The following SLC2A12 variants were observed in gnomAD, a reference collection of about 807,000 sequenced individuals.
The protein encoded by SLC2A12 is solute carrier family 2, facilitated glucose transporter member 12.
In SLC2A12, 23 loss-of-function variants were observed where a neutral mutation model predicts 41.8. The ratio of observed to expected loss-of-function variants is 0.55; its 90% CI spans 0.40 to 0.78. SLC2A12 has a LOEUF of 0.78. SLC2A12 is among the 30% of genes least tolerant of loss of function. The probability of loss-of-function intolerance (pLI) is 0.00; values close to 1 mark genes in which losing one functional copy is unlikely to be tolerated. For missense variants in SLC2A12, 654 were observed against 745.6 expected, an observed-to-expected ratio of 0.88 and a Z score of 1.43; for synonymous variants, 295 against 285.9, an observed-to-expected ratio of 1.03 and a Z score of -0.32.
chr6:134,042,695 T>A (rs1451794277), intron 1 of SLC2A12, among the ~76,000 whole-genome samples: 3 of 152,072 alleles, frequency 2.0e-5, no homozygotes, highest in African/African-American at 7.2e-5. Flanking sequence ...CTGGGTTAGG[T>A]GGCTCACACC....
At chr6:134,017,750 AC>A (rs1483517896) in intron 2 of SLC2A12, among the ~76,000 whole-genome samples, 1 of 151,960 alleles carries the variant, frequency 6.6e-6, no homozygotes, top group African/African-American at 2.4e-5. Context: ...GCTACTCGGG[AC>A]GCTGAGGCAG....
intron 1 of SLC2A12, among the ~76,000 whole-genome samples, chr6:134,043,326 G>A (rs1400475169): frequency 3.3e-5 from 5 of 152,122 alleles, no homozygotes; most frequent in Non-Finnish European, 7.3e-5. Flanking sequence ...GTTTGGATGG[G>A]AGGCTGGTGG....
chr6:134,041,676 T>C (rs1296192925), intron 1 of SLC2A12, among the ~76,000 whole-genome samples: 1 of 152,168 alleles, frequency 6.6e-6, no homozygotes, highest in East Asian at 1.9e-4. Flanking sequence ...ACAGCGGCAG[T>C]CTACGGGAAT....
intron 4 of SLC2A12, among the ~76,000 whole-genome samples, chr6:134,001,429 C>T (rs907111330): frequency 2.6e-5 from 4 of 151,798 alleles, no homozygotes; most frequent in Non-Finnish European, 4.4e-5. Context: ...TTTCTTTTTC[C>T]GAAAAGAAAT....
intron 4 of SLC2A12, among the ~76,000 whole-genome samples, chr6:133,994,706 C>T (rs552661643): frequency 1.7e-4 from 26 of 152,168 alleles, no homozygotes; most frequent in African/African-American, 2.4e-4. Flanking sequence ...GGCGACAGAG[C>T]GAGACTCCAT....
chr6:133,993,311 T>C (rs1776647482), intron 4 of SLC2A12, among the ~76,000 whole-genome samples: 2 of 152,178 alleles, frequency 1.3e-5, no homozygotes, highest in Admixed American at 6.5e-5. Context: ...TACTAATGTG[T>C]CTATTTGATG....
At chr6:134,007,111 C>T (rs923796752) in intron 2 of SLC2A12, among the ~76,000 whole-genome samples, 177 bp from the exon 3 acceptor site, 2 of 152,340 alleles carry the variant, frequency 1.3e-5, no homozygotes, top group East Asian at 3.9e-4. Flanking sequence ...TCCTCACCTC[C>T]AGCCAAGGAA....
intron 2 of SLC2A12, among the ~76,000 whole-genome samples, chr6:134,017,771 G>A (rs1300193988): frequency 1.3e-5 from 2 of 151,766 alleles, no homozygotes; most frequent in African/African-American, 2.4e-5. Flanking sequence ...GGAGAATGGC[G>A]TGAACCCGGA....
chr6:134,048,797 A>G (rs1773626625), intron 1 of SLC2A12, among the ~76,000 whole-genome samples: 1 of 152,206 alleles, frequency 6.6e-6, no homozygotes, highest in South Asian at 2.1e-4. Flanking sequence ...GGTCTGCCCA[A>G]GGTAACTGGC....
intron 1 of SLC2A12, among the ~76,000 whole-genome samples, chr6:134,040,068 T>TTG (rs1554209007): frequency 1.3e-5 from 2 of 150,358 alleles, no homozygotes; most frequent in African/African-American, 2.4e-5. Flanking sequence ...GTTTTTTTTT[T>TTG]TTTGTTTTTT....
intron 1 of SLC2A12, among the ~76,000 whole-genome samples, chr6:134,050,473 A>C (rs1006359382): frequency 5.9e-5 from 9 of 152,240 alleles, no homozygotes; most frequent in Non-Finnish European, 7.3e-5. Context: ...CTTTAAGTTG[A>C]ATTTTGTGCA....
intron 2 of SLC2A12, among the ~76,000 whole-genome samples, chr6:134,014,563 A>T (rs1212932253): frequency 6.6e-6 from 1 of 152,332 alleles, no homozygotes; most frequent in South Asian, 2.1e-4. Flanking sequence ...TTCATTATTG[A>T]TACTTTAATT....
At chr6:134,047,603 G>C (rs1777477039) in intron 1 of SLC2A12, among the ~76,000 whole-genome samples, 1 of 152,120 alleles carries the variant, frequency 6.6e-6, no homozygotes, top group Non-Finnish European at 1.5e-5. Context: ...GACCACTAAA[G>C]ACCACCCTCT....
intron 1 of SLC2A12, among the ~76,000 whole-genome samples, chr6:134,045,700 A>G (rs1207945231): frequency 6.6e-6 from 1 of 152,190 alleles, no homozygotes; most frequent in Non-Finnish European, 1.5e-5. Context: ...GGGTTGCTGT[A>G]AAGATCTGAA....
intron 3 of SLC2A12, among the ~76,000 whole-genome samples, chr6:134,004,270 A>C (rs1023824628): frequency 6.6e-6 from 1 of 152,102 alleles, no homozygotes; most frequent in Non-Finnish European, 1.5e-5. Context: ...GGTTGAGGGC[A>C]TGTGTTTATG....
At chr6:134,011,782 C>T (rs1417970848) in intron 2 of SLC2A12, among the ~76,000 whole-genome samples, 1 of 152,038 alleles carries the variant, frequency 6.6e-6, no homozygotes, top group Non-Finnish European at 1.5e-5. Flanking sequence ...TGGCTCATTC[C>T]TGTAATTCCA....
At chr6:134,033,949 T>C (rs956642165) in intron 1 of SLC2A12, among the ~76,000 whole-genome samples, 2 of 151,958 alleles carry the variant, frequency 1.3e-5, no homozygotes, top group African/African-American at 4.8e-5. Context: ...TGGACTTAGA[T>C]CATTTGCCTG....
intron 3 of SLC2A12, among the ~76,000 whole-genome samples, chr6:134,004,084 C>T (rs1211932386): frequency 4.6e-5 from 7 of 152,316 alleles, no homozygotes; most frequent in Middle Eastern, 3.4e-3. Flanking sequence ...AAAGCCCATA[C>T]GGAACTTCTA....
At chr6:133,993,370 T>C (rs1437288234) in intron 4 of SLC2A12, among the ~76,000 whole-genome samples, 1 of 152,246 alleles carries the variant, frequency 6.6e-6, no homozygotes, top group Admixed American at 6.5e-5. Flanking sequence ...TATTCTGTCC[T>C]GAGCCCTGAA....
Sources: allele counts gnomAD v4.1 joint callset (sites outside exome capture counted in the v4.1 genomes callset), GRCh38; gene constraint gnomAD v4.1.1; transcripts MANE v1.5; gene names NCBI Gene and HGNC (gene_info 2026-07-23, HGNC 2026-07-21).